Variants in ERI2 observed in about 807,000 individuals in gnomAD.
ERI2 encodes ERI1 exoribonuclease 2.
In ERI2, 35 loss-of-function variants were observed where a neutral mutation model predicts 46.8. The observed-to-expected ratio is 0.75, with a 90% CI of 0.57 to 0.99. The LOEUF is 0.99. Among genes scored for constraint, ERI2 ranks in the 50% least tolerant of loss-of-function variants. The pLI is 0.00. For synonymous variants in ERI2, 224 were observed against 271.0 expected (o/e 0.83, Z 1.70); for missense variants, 695 against 796.2 (o/e 0.87, Z 1.53).
intron 10 of ERI2, chr16:20,785,046 C>T: frequency 6.2e-7 from 1 of 1,613,690 alleles, no homozygotes; most frequent in Non-Finnish European, 8.5e-7. Flanking sequence ...CCTGACGTGA[C>T]TGAAAAATGG....
At chr16:20,786,375 C>T (rs2152477588) in intron 10 of ERI2, 1 of 971,286 alleles carries the variant, frequency 1.0e-6, no homozygotes, top group East Asian at 3.2e-5. Flanking sequence ...CAGTTCTAAG[C>T]ATTTAATAAA....
chr16:20,800,274 TAAACATGC>T lies in ERI2; in HGVS notation c.561+20_561+27del. The T allele has an allele frequency of 6.8e-7, 1 of 1,477,190 alleles. No homozygotes were observed. The highest frequency in any genetic ancestry group is 9.4e-7 in the Non-Finnish European group (1 of 1,063,602). 91.5% of individuals were successfully genotyped at this position (1,477,190 alleles called of 1,614,324 possible). ...TTAATCATTTTTCCATAGAAAAAAG[TAAACATGC>T]CCCCATTTTTTACCATTACCTTGTA... is the stretch of plus-strand genomic sequence containing the variant. On this transcript the variant is annotated intron_variant, in intron 6 of 8. Coordinates refer to ENST00000357967, the MANE Select transcript of ERI2 (RefSeq NM_001142725.2).
At chr16:20,792,975 C>A (rs1489756138), downstream of ERI2, among the ~76,000 whole-genome samples, 1 of 152,168 alleles carries the variant, frequency 6.6e-6, no homozygotes, top group Non-Finnish European at 1.5e-5. Flanking sequence ...GTTACAAGTT[C>A]TCACAAGTAT....
intron 10 of ERI2, chr16:20,781,142 C>A (rs1357548200): frequency 6.2e-7 from 1 of 1,613,146 alleles, no homozygotes; most frequent in African/African-American, 1.3e-5. Context: ...TAAGCCAAAG[C>A]ACAAAGAGGT....
At position 20,789,540 on chromosome 16, in the gene ERI2, GT is replaced by G; in HGVS notation, c.832del (p.Thr278ProfsTer8). 1 of 1,612,902 alleles carries G rather than the reference GT, an allele frequency of 6.2e-7. No individual in the cohort carries two copies. Among genetic ancestry groups the G allele is most frequent in the Non-Finnish European group, 8.5e-7 (1 of 1,178,982 alleles). The stretch of plus-strand genomic sequence containing the variant: ...ACTCATATTGGGCTTCTGAAGTAAG[GT>G]TCTGTAGGTTCCACAGCTAAACAAA... On this transcript the variant is annotated frameshift_variant, in exon 10 of 11. Coordinates refer to the ERI2 transcript ENST00000300005. LOFTEE classifies it high-confidence loss of function.
In ERI2 at chr16:20,781,425, T is replaced by C. The variant is rs540394855; in HGVS notation, c.895-691A>G. Among the ~76,000 whole-genome samples the C allele has an allele frequency of 5.5e-4, 84 of 152,254 alleles. No individual in the cohort carries two copies. The South Asian group carries it at 0.016, about 30-fold the overall frequency. ...AAATACCATGTAACAAATATATACATAGCATTTACATTGTTTTAGGCAGTA... is the reference window on the plus strand; with the variant it reads ...AAATACCATGTAACAAATATATACACAGCATTTACATTGTTTTAGGCAGTA... On this transcript the variant is annotated intron_variant, in intron 10 of 10. Transcript: ENST00000300005.
At chr16:20,785,880 G>A (rs1211715511) in intron 10 of ERI2, among the ~76,000 whole-genome samples, 6 of 152,042 alleles carry the variant, frequency 3.9e-5, no homozygotes, top group African/African-American at 1.2e-4. Context: ...GGATATATGA[G>A]TAATTATTGT....
At position 20,799,733 on chromosome 16, in the gene ERI2, A is replaced by T. The variant is rs569248681; in HGVS notation, c.643+224T>A. On this transcript the variant is annotated intron_variant, in intron 7 of 8. Coordinates refer to ENST00000357967, the MANE Select transcript of ERI2 (RefSeq NM_001142725.2). ...CCATTTGATTTGGCTCATTCTTTTC[A>T]TTCTTCTTAGCAACTAGAAAGCCAC... 1.0e-5 allele frequency: 5 copies of T among 484,786 alleles called. No individual in the cohort carries two copies. In the Admixed American group the frequency reaches 1.9e-4, roughly 19 times the overall value. 30.0% of individuals were successfully genotyped at this position (484,786 alleles called of 1,614,324 possible).
At chr16:20,784,241 T>C (rs979543762) in intron 10 of ERI2, among the ~76,000 whole-genome samples, 3 of 152,208 alleles carry the variant, frequency 2.0e-5, no homozygotes, top group African/African-American at 7.2e-5. Context: ...GTTATTTCAA[T>C]ATAAATATTA....
intron 9 of ERI2, chr16:20,789,607 A>C (rs1486257418): frequency 2.3e-6 from 3 of 1,329,914 alleles, no homozygotes; most frequent in Non-Finnish European, 3.3e-6. Flanking sequence ...TATCAAGAGG[A>C]AAAGATAATC....
chr16:20,781,017 T>A lies in ERI2; in HGVS notation c.895-283A>T, dbSNP rs1292258180. ...ACCCTCAGATGTGATGTGGAATACC[T>A]CAGATACGGGCTGGGCAAAGTCTGC... is the stretch of plus-strand genomic sequence containing the variant. On this transcript the variant is annotated intron_variant, in intron 10 of 10. Coordinates refer to the ERI2 transcript ENST00000300005. 5.0e-6 allele frequency: 8 copies of A among 1,614,086 alleles called. No individual in the cohort carries two copies. The African/African-American group carries it at 1.1e-4, about 22-fold the overall frequency.
At chr16:20,800,504 A>C (rs569367339) in intron 5 of ERI2, 102 bp from the exon 6 acceptor site, 2 of 635,482 alleles carry the variant, frequency 3.1e-6, no homozygotes, top group South Asian at 5.6e-5. Flanking sequence ...CATATAAAAT[A>C]GAACAGTATG....
Position 20,799,078 on chromosome 16 carries a change from A to T in ERI2, c.733-11T>A. 6.7e-7 allele frequency: 1 copy of T among 1,493,796 alleles called. No homozygotes were observed. Among genetic ancestry groups the T allele is most frequent in the Non-Finnish European group, 8.9e-7 (1 of 1,125,932 alleles). The allele number at this position is 1,493,796 out of a possible 1,614,324, so 92.5% of individuals were successfully genotyped here. On this transcript the variant is annotated splice_polypyrimidine_tract_variant and intron_variant, in intron 8 of 8. Transcript: ENST00000357967. ...CTTCTTAGTGGGAACCTATGATTCC[A>T]CAGACAAATGCAACAGCTTTAGAAA...
Position 20,798,600 on chromosome 16 carries a change from G to A in ERI2, c.1200C>T (p.Asp400=). The A allele has an allele frequency of 6.4e-7, 1 of 1,551,652 alleles. No homozygotes were observed. The highest frequency in any genetic ancestry group is 8.7e-7 in the Non-Finnish European group (1 of 1,146,914). ...CCCAATCAGCCAACACAGGTAAACA[G>A]TCCAGAGTAGAGCTCATTTCCAAAT... ...VSDLEMSSTL[D]CLPVLADWED... is the part of the protein sequence containing the mutation. Residue 400 remains aspartate (D), a synonymous_variant, in exon 9 of 9, where the codon GAC becomes GAT. Transcript: ENST00000357967.
intron 5 of ERI2, 108 bp from the exon 6 acceptor site, chr16:20,800,510 G>A (rs1382730540): frequency 3.4e-6 from 2 of 587,128 alleles, no homozygotes; most frequent in Non-Finnish European, 3.0e-6. Flanking sequence ...AAATAGAACA[G>A]TATGATTTCA....
At position 20,796,993 on chromosome 16, in the gene ERI2, T is replaced by C. The variant is rs1278032545; in HGVS notation, c.*731A>G. 1 of 1,608,954 alleles carries C rather than the reference T, an allele frequency of 6.2e-7. No individual in the cohort carries two copies. Among genetic ancestry groups the C allele is most frequent in the Admixed American group, 1.7e-5 (1 of 59,024 alleles). On this transcript the variant is annotated 3_prime_UTR_variant, in exon 9 of 9. Coordinates refer to ENST00000357967, the MANE Select transcript of ERI2 (RefSeq NM_001142725.2). ...TTTAAAGTTGTTTCATTAATTACCA[T>C]ATCTATAAAACAAACATAGTATCTG...
chr16:20,806,066 G>A (rs2080865110), intron 1 of ERI2: 1 of 1,228,070 alleles, frequency 8.1e-7, no homozygotes, highest in Non-Finnish European at 1.0e-6. Flanking sequence ...TTCAGTGTGT[G>A]GCCTGCCTGA....
At chr16:20,785,105 A>G in intron 10 of ERI2, 1 of 1,612,992 alleles carries the variant, frequency 6.2e-7, no homozygotes, top group Non-Finnish European at 8.5e-7. Flanking sequence ...ACAGACTGAA[A>G]CGGTACCTGA....
Position 20,799,964 on chromosome 16 carries a change from T to C in ERI2, c.636A>G (p.Glu212=). The change falls in exon 7 of 9, where the codon GAA becomes GAG. Residue 212 remains glutamate, a synonymous_variant. Transcript: ENST00000357967. ...TTTTTAATGTATACTAACCAGAATG[T>C]TCTCGTCCTGAGAATTCTATTCCTA... ...QEVGIEFSGR[E]HSGLDDSRNT... is the part of the protein sequence containing the mutation. The C allele has an allele frequency of 6.3e-7, 1 of 1,594,756 alleles. No homozygotes were observed. Among genetic ancestry groups the C allele is most frequent in the Non-Finnish European group, 8.6e-7 (1 of 1,164,896 alleles).
Sources: gnomAD v4.1 joint callset for allele counts (sites outside exome capture counted in the v4.1 genomes callset) on GRCh38, gnomAD v4.1.1 for gene constraint, MANE v1.5 for transcripts, NCBI Gene and HGNC (gene_info 2026-07-23, HGNC 2026-07-21) for gene names.